Variants in XRRA1 observed in about 807,000 individuals in gnomAD.
The protein encoded by XRRA1 is X-ray radiation resistance associated 1, also known as X-ray radiation resistance-associated protein 1.
XRRA1 carries 69 observed loss-of-function variants against 80.2 expected under a neutral mutation model. That is an observed-to-expected ratio of 0.86 (90% CI 0.71 to 1.05). The LOEUF is 1.05. XRRA1 is among the 50% of genes least tolerant of loss of function. The pLI is 0.00. For missense variants in XRRA1, 967 were observed against 976.4 expected (o/e 0.99, Z 0.13); for synonymous variants, 348 against 389.9 (o/e 0.89, Z 1.27).
intron 15 of XRRA1, among the ~76,000 whole-genome samples, chr11:74,846,866 TTCA>T (rs1018288528): frequency 8.5e-5 from 13 of 152,240 alleles, no homozygotes; most frequent in African/African-American, 3.1e-4. Context: ...ACCACTTCTG[TTCA>T]TCATTGTATT....
At chr11:74,881,011 T>C (rs1278702645) in intron 10 of XRRA1, among the ~76,000 whole-genome samples, 2 of 145,996 alleles carry the variant, frequency 1.4e-5, no homozygotes, top group Non-Finnish European at 3.0e-5. Flanking sequence ...AATTCCTGGG[T>C]ATCCTTGTTG....
intron 10 of XRRA1, among the ~76,000 whole-genome samples, chr11:74,880,637 G>A (rs1464978063): frequency 1.1e-4 from 16 of 150,676 alleles, no homozygotes; most frequent in African/African-American, 3.4e-4. Flanking sequence ...CTTTGAATGC[G>A]TCCCAGAGAT....
intron 10 of XRRA1, among the ~76,000 whole-genome samples, chr11:74,900,132 T>TTATTG (rs1207297516): frequency 1.3e-5 from 2 of 151,556 alleles, no homozygotes; most frequent in Non-Finnish European, 2.9e-5. Flanking sequence ...GCCACTGCAC[T>TTATTG]CCAGCCTGGG....
chr11:74,899,351 C>T (rs983004587), intron 10 of XRRA1, among the ~76,000 whole-genome samples: 15 of 151,886 alleles, frequency 9.9e-5, no homozygotes, highest in African/African-American at 3.6e-4. Context: ...TCTTAAAGAA[C>T]TAGAGAAGCA....
At chr11:74,895,995 C>T (rs568470309) in intron 10 of XRRA1, among the ~76,000 whole-genome samples, 1 of 152,282 alleles carries the variant, frequency 6.6e-6, no homozygotes, top group South Asian at 2.1e-4. Context: ...ACTAAAGAGC[C>T]CTTCGGCCCT....
intron 15 of XRRA1, among the ~76,000 whole-genome samples, chr11:74,847,348 G>C (rs2038535287): frequency 6.6e-6 from 1 of 152,152 alleles, no homozygotes; most frequent in Non-Finnish European, 1.5e-5. Context: ...ATCAGGGAGA[G>C]GGATGGTACA....
chr11:74,870,381 G>A (rs548477009), intron 10 of XRRA1, among the ~76,000 whole-genome samples: 17 of 152,178 alleles, frequency 1.1e-4, no homozygotes, highest in Non-Finnish European at 1.8e-4. Flanking sequence ...ACTGCCCACT[G>A]AGCATCAGTA....
chr11:74,867,611 G>A (rs1317832940), intron 10 of XRRA1, among the ~76,000 whole-genome samples: 4 of 152,216 alleles, frequency 2.6e-5, no homozygotes, highest in Non-Finnish European at 4.4e-5. Flanking sequence ...TGGTATCCCT[G>A]AAATGCAAGG....
At chr11:74,860,432 CAG>C (rs1274134282) in intron 11 of XRRA1, among the ~76,000 whole-genome samples, 10 of 152,192 alleles carry the variant, frequency 6.6e-5, no homozygotes, top group South Asian at 4.1e-4. Context: ...AAGGAAAAGC[CAG>C]AGAGTCAAGA....
chr11:74,862,900 G>C, intron 11 of XRRA1, 81 bp downstream of exon 11: 1 of 1,250,262 alleles, frequency 8.0e-7, no homozygotes, highest in Non-Finnish European at 1.1e-6. Flanking sequence ...GACTCTCATG[G>C]CTCCATTATT....
intron 10 of XRRA1, among the ~76,000 whole-genome samples, chr11:74,893,542 T>C (rs971729847): frequency 3.3e-5 from 5 of 150,776 alleles, no homozygotes; most frequent in African/African-American, 1.2e-4. Context: ...ACCCTAAAAC[T>C]TGAAGTATAA....
rs77280809 is a variant in XRRA1, at chr11:74,860,315, G to C, written c.1045-1032C>G. ...CCAAGGCAATTTCTGAGACGCAAGA[G>C]TGGAACATGGTGGCGGTCTGATAAG... On this transcript the variant is annotated intron_variant, in intron 11 of 18. Transcript: ENST00000684022. Among the ~76,000 whole-genome samples the C allele has an allele frequency of 1.7e-3, 262 of 152,352 alleles. 9 individuals are homozygous for C. In the East Asian group the frequency reaches 0.049, roughly 28 times the overall value.
At chr11:74,888,089 T>C (rs986414028) in intron 10 of XRRA1, among the ~76,000 whole-genome samples, 1 of 152,182 alleles carries the variant, frequency 6.6e-6, no homozygotes, top group East Asian at 1.9e-4. Flanking sequence ...TCTCCCAGCA[T>C]GCAGCTGGAG....
chr11:74,854,697 G>A (rs2040659134), intron 12 of XRRA1, among the ~76,000 whole-genome samples: 1 of 152,078 alleles, frequency 6.6e-6, no homozygotes, highest in South Asian at 2.1e-4. Flanking sequence ...TCTGGCCCAT[G>A]ATCCATTTAC....
chr11:74,916,880 G>A (rs1938894178), intron 8 of XRRA1, among the ~76,000 whole-genome samples: 1 of 152,118 alleles, frequency 6.6e-6, no homozygotes, highest in African/African-American at 2.4e-5. Flanking sequence ...GTAAATGTAA[G>A]TTCTTCTCAG....
chr11:74,852,607 A>G (rs562335503), intron 12 of XRRA1, among the ~76,000 whole-genome samples: 109 of 152,290 alleles, frequency 7.2e-4, no homozygotes, highest in Middle Eastern at 3.4e-3. Flanking sequence ...AGGAGGACCC[A>G]CACATCTAAG....
chr11:74,920,961 G>T (rs1372379747), intron 8 of XRRA1, among the ~76,000 whole-genome samples: 1 of 152,192 alleles, frequency 6.6e-6, no homozygotes, highest in African/African-American at 2.4e-5. Flanking sequence ...AAGGAGAATT[G>T]TCTGGCAAGA....
Position 74,881,603 on chromosome 11 carries a change from G to A in XRRA1, c.1004-18582C>T, listed in dbSNP as rs369977993. Among the ~76,000 whole-genome samples the A allele has an allele frequency of 3.3e-3, 505 of 151,804 alleles. 2 individuals are homozygous for A. Among genetic ancestry groups the A allele is most frequent in the East Asian group, 0.021 (107 of 5,180 alleles). On this transcript the variant is annotated intron_variant, in intron 10 of 18. Transcript: ENST00000684022. ...GCATGATTTTGCAGCAGCTGGTACC[G>A]GTTGTTCCTTTCCATGTTTAGTGCT...
At chr11:74,906,748 G>C (rs1461834855) in intron 9 of XRRA1, 27 of 452,396 alleles carry the variant, frequency 6.0e-5, no homozygotes, top group Non-Finnish European at 9.0e-5. Flanking sequence ...AAATTTTCCA[G>C]AGAAGTAAAG....
Sources: gnomAD v4.1 joint callset for allele counts (sites outside exome capture counted in the v4.1 genomes callset) on GRCh38, gnomAD v4.1.1 for gene constraint, MANE v1.5 for transcripts, NCBI Gene and HGNC (gene_info 2026-07-23, HGNC 2026-07-21) for gene names.